The following BROX variants were observed in gnomAD, a reference collection of about 807,000 sequenced individuals.
BROX encodes BRO1 domain and CAAX motif containing.
In BROX, 53 loss-of-function variants were observed where a neutral mutation model predicts 61.0. The ratio of observed to expected loss-of-function variants is 0.87; its 90% CI spans 0.70 to 1.09. The LOEUF is 1.09. Among genes scored for constraint, BROX ranks in the 50% least tolerant of loss-of-function variants. The pLI, the probability that BROX is intolerant of heterozygous loss-of-function variation, is 0.00. For missense variants in BROX, 489 were observed against 472.0 expected, an observed-to-expected ratio of 1.04 and a Z score of -0.33; for synonymous variants, 152 against 160.2, an observed-to-expected ratio of 0.95 and a Z score of 0.38.
intron 2 of BROX, among the ~76,000 whole-genome samples, chr1:222,716,835 T>A: frequency 6.6e-6 from 1 of 152,190 alleles, no homozygotes; most frequent in East Asian, 1.9e-4. Context: ...TTTGTGCTAG[T>A]GATAGTGAGT....
At chr1:222,728,911 C>T in intron 9 of BROX, 83 bp downstream of exon 9, 1 of 919,792 alleles carries the variant, frequency 1.1e-6, no homozygotes, top group Non-Finnish European at 1.6e-6. Flanking sequence ...TCACCAGAGT[C>T]TTTCATTAGC....
At chr1:222,722,377 T>C in intron 4 of BROX, 42 bp from the exon 5 acceptor site, 3 of 1,513,860 alleles carry the variant, frequency 2.0e-6, no homozygotes, top group Non-Finnish European at 2.8e-6. Flanking sequence ...GTGTGATGTC[T>C]GGATAATTGA....
chr1:222,714,313 C>T (rs1420911664), intron 1 of BROX, among the ~76,000 whole-genome samples: 1 of 150,642 alleles, frequency 6.6e-6, no homozygotes, highest in African/African-American at 2.4e-5. Flanking sequence ...CTGGGTTCTC[C>T]TGCCTCAGCC....
Position 222,732,710 on chromosome 1 carries a change from C to T in BROX, c.1232C>T (p.Ser411Phe), listed in dbSNP as rs747160455. 3 of 1,607,232 alleles carry T rather than the reference C, an allele frequency of 1.9e-6. No individual in the cohort carries two copies. The Admixed American group carries it at 5.0e-5, about 27-fold the overall frequency. ...CAAAAGGACACTGGGTGCTACATCT[C>T]CTAAAATACAACTTGCACTTAGAAT... is the stretch of plus-strand genomic sequence containing the variant. ...KPQKDTGCYI[S>F] is the part of the protein sequence containing the mutation. Residue 411 changes from serine (S) to phenylalanine (F), a missense_variant, in exon 13 of 13, where the codon TCC (serine) becomes TTC (phenylalanine). Physicochemically the swap from Ser to Phe is radical, Grantham distance 155 (BLOSUM62 -2). Coordinates refer to ENST00000340934, the MANE Select transcript of BROX (RefSeq NM_144695.4).
intron 5 of BROX, among the ~76,000 whole-genome samples, 182 bp from the exon 6 acceptor site, chr1:222,723,910 C>T (rs1053950795): frequency 7.2e-5 from 11 of 152,116 alleles, no homozygotes; most frequent in African/African-American, 2.7e-4. Context: ...CTGCCCGTCT[C>T]GGCCTCCCAA....
chr1:222,725,800 C>T lies in BROX; in HGVS notation c.580+245C>T, dbSNP rs568342910. Reference sequence around the variant, plus strand: ...TGGCACATTCCTGTAGTCCCAGCTTCCCACAAGGCTGAGATGGGAAGGATC... The same window carrying T: ...TGGCACATTCCTGTAGTCCCAGCTTTCCACAAGGCTGAGATGGGAAGGATC... On this transcript the variant is annotated intron_variant, in intron 7 of 12. Transcript: ENST00000340934. Among the ~76,000 whole-genome samples the T allele has an allele frequency of 3.3e-5, 5 of 152,200 alleles. No individual in the cohort carries two copies. In the East Asian group the frequency reaches 9.7e-4, roughly 29 times the overall value.
intron 12 of BROX, 104 bp from the exon 13 acceptor site, chr1:222,732,524 G>A (rs1658018934): frequency 6.9e-6 from 5 of 725,358 alleles, no homozygotes; most frequent in Non-Finnish European, 1.1e-5. Context: ...TCCATGTTAT[G>A]TAATTTAATA....
intron 2 of BROX, among the ~76,000 whole-genome samples, chr1:222,717,350 A>G (rs949920095): frequency 4.3e-4 from 65 of 152,200 alleles, no homozygotes; most frequent in African/African-American, 1.4e-3. Flanking sequence ...CAAGTCCCTT[A>G]ACTTCTTTGG....
chr1:222,732,650 A>T lies in BROX; in HGVS notation c.1172A>T (p.Glu391Val), dbSNP rs752329796. ...TAGACTAAACCCAAACCAGAAGAAG[A>T]AGTGAAACCTGTGAAAGAACCAGAC... ...DDSTKPKPEE[E>V]VKPVKEPDIK... is the part of the protein sequence containing the mutation. Residue 391 changes from glutamate to valine, a missense_variant, in exon 13 of 13, where the codon GAA becomes GTA. By Grantham distance (121) the Glu-to-Val change is moderately radical. Transcript: ENST00000340934. The T allele has an allele frequency of 4.3e-6, 7 of 1,613,686 alleles. No individual in the cohort carries two copies. The highest frequency in any genetic ancestry group is 1.7e-5 in the Admixed American group (1 of 59,978).
chr1:222,716,050 A>G (rs982901601), intron 2 of BROX, among the ~76,000 whole-genome samples: 2 of 152,174 alleles, frequency 1.3e-5, no homozygotes, highest in Non-Finnish European at 2.9e-5. Flanking sequence ...ACAACAGTAC[A>G]AGGGACTCTA....
chr1:222,719,375 G>A lies in BROX; in HGVS notation c.305+16G>A. Reference sequence around the variant, plus strand: ...AGGTTCCAAGGTAAGCAACACTAAAGTAATACTAAATTGGAGCCAGTTTTT... The same window carrying A: ...AGGTTCCAAGGTAAGCAACACTAAAATAATACTAAATTGGAGCCAGTTTTT... On this transcript the variant is annotated intron_variant, in intron 4 of 12. Coordinates refer to ENST00000340934, the MANE Select transcript of BROX (RefSeq NM_144695.4). 1.3e-6 allele frequency: 2 copies of A among 1,556,724 alleles called. No homozygotes were observed. Among genetic ancestry groups the A allele is most frequent in the South Asian group, 2.2e-5 (2 of 89,108 alleles).
chr1:222,714,548 C>T (rs1656408315), intron 1 of BROX, among the ~76,000 whole-genome samples: 1 of 146,876 alleles, frequency 6.8e-6, no homozygotes, highest in South Asian at 2.2e-4. Context: ...AAGTTGGCAT[C>T]TCACTTAGGT....
At chr1:222,729,412 C>A (rs1050621670) in intron 9 of BROX, among the ~76,000 whole-genome samples, 2 of 152,112 alleles carry the variant, frequency 1.3e-5, no homozygotes, top group African/African-American at 2.4e-5. Context: ...AACTTTTTCT[C>A]AGTACATGGT....
chr1:222,729,644 T>C lies in BROX; in HGVS notation c.781T>C (p.Leu261=). Residue 261 remains leucine (L), a synonymous_variant, in exon 10 of 13, where the codon TTA becomes CTA. Transcript: ENST00000340934. ...AYAYCYHGET[L]LASDKCGEAI... is the part of the protein sequence containing the mutation. ...GGCTTACTGTTACCATGGTGAGACTTTATTGGCTAGTGATAAATGCGGTGA... is the reference window on the plus strand; with the variant it reads ...GGCTTACTGTTACCATGGTGAGACTCTATTGGCTAGTGATAAATGCGGTGA... 6.2e-7 allele frequency: 1 copy of C among 1,613,022 alleles called. No individual in the cohort carries two copies. Among genetic ancestry groups the C allele is most frequent in the Non-Finnish European group, 8.5e-7 (1 of 1,179,262 alleles).
chr1:222,731,313 TAACG>T, intron 11 of BROX, 40 bp from the exon 12 acceptor site: 1 of 1,507,566 alleles, frequency 6.6e-7, no homozygotes, highest in Non-Finnish European at 8.9e-7. Flanking sequence ...GGCACTCAAA[TAACG>T]AACAAATGAA....
At chr1:222,719,729 A>G (rs914590081) in intron 4 of BROX, among the ~76,000 whole-genome samples, 7 of 152,142 alleles carry the variant, frequency 4.6e-5, no homozygotes, top group Non-Finnish European at 1.0e-4. Context: ...GCTGATGGAT[A>G]CTTCATGTCT....
At position 222,734,185 on chromosome 1, in the gene BROX, T is replaced by G. The variant is rs1195770692; in HGVS notation, c.*1471T>G. On this transcript the variant is annotated 3_prime_UTR_variant, in exon 13 of 13. Transcript: ENST00000340934. ...TCTTTTGATTATTCTCCTGAGGCAT[T>G]AGATAGTTTTTCTATTATAAGTGAC... 1.3e-5 allele frequency: 2 copies of G among 152,160 alleles called. No individual in the cohort carries two copies. Among genetic ancestry groups the G allele is most frequent in the African/African-American group, 2.4e-5 (1 of 41,444 alleles). The allele number at this position is 152,160 out of a possible 1,614,324, so 9.4% of individuals were successfully genotyped here.
Position 222,728,752 on chromosome 1 carries a change from T to C in BROX, c.680T>C (p.Leu227Ser). ...TAAAATGTAACTTTAGATCATACTT[T>C]ATCCAGTTTGGAGCCTGCATATTCT... Reference protein sequence around the residue: ...ANFYQKADHTLSSLEPAYSAK... With the variant: ...ANFYQKADHTSSSLEPAYSAK... Residue 227 changes from leucine (L) to serine (S), a missense_variant, in exon 9 of 13, where the codon TTA (leucine) becomes TCA (serine). By Grantham distance (145) the Leu-to-Ser change is moderately radical (BLOSUM62 -2). Transcript: ENST00000340934. 3.1e-6 allele frequency: 5 copies of C among 1,591,924 alleles called. No homozygotes were observed. Among genetic ancestry groups the C allele is most frequent in the East Asian group, 2.2e-5 (1 of 44,620 alleles).
rs371747943 is a variant in BROX, at chr1:222,724,929, G to T, written c.475-521G>T. ...CTGCCTCAGCCTCCCGAGTAGCTGG[G>T]ATTATAGGTGCCTGCCACCACGCCC... On this transcript the variant is annotated intron_variant, in intron 6 of 12. Transcript: ENST00000340934. 2.9e-4 allele frequency among the ~76,000 whole-genome samples: 44 copies of T among 152,168 alleles called. No individual in the cohort carries two copies. In the South Asian group the frequency reaches 6.2e-3, roughly 22 times the overall value.
Sources: gnomAD v4.1 joint callset for allele counts (sites outside exome capture counted in the v4.1 genomes callset) on GRCh38, gnomAD v4.1.1 for gene constraint, MANE v1.5 for transcripts, NCBI Gene and HGNC (gene_info 2026-07-23, HGNC 2026-07-21) for gene names.